SLC9C2: variants seen among roughly 807,000 people sequenced by gnomAD.
SLC9C2 encodes sodium/hydrogen exchanger 11.
SLC9C2 carries 75 observed loss-of-function variants against 140.2 expected under a neutral mutation model. The observed-to-expected ratio is 0.53, with a 90% CI of 0.44 to 0.65. The LOEUF is 0.65. Ranked by LOEUF, SLC9C2 falls within the 30% of genes least tolerant of loss-of-function variation. SLC9C2 has a pLI of 0.00. For missense variants in SLC9C2, 1,074 were observed against 1,331.8 expected (o/e 0.81, Z 3.01); for synonymous variants, 375 against 420.9 (o/e 0.89, Z 1.34).
At chr1:173,555,972 T>C (rs1031921581) in intron 10 of SLC9C2, among the ~76,000 whole-genome samples, 2 of 152,182 alleles carry the variant, frequency 1.3e-5, no homozygotes, top group African/African-American at 4.8e-5. Context: ...ATTAAATAAA[T>C]ACTGTACTCC....
In SLC9C2 at chr1:173,517,617, T is replaced by G; in HGVS notation, c.2827A>C (p.Thr943Pro). The G allele has an allele frequency of 6.2e-7, 1 of 1,613,878 alleles. No individual in the cohort carries two copies. The highest frequency in any genetic ancestry group is 8.5e-7 in the Non-Finnish European group (1 of 1,179,858). ...CTTAGCTCTCCAATTATGTCCCCAG[T>G]AGTACAGAACTCTGTAAACATGTCT... ...SRDMFTEFCTTGDIIGELSCL... is the reference protein window; with the variant it reads ...SRDMFTEFCTPGDIIGELSCL... The change falls in exon 23 of 28, where the codon ACT becomes CCT. Residue 943 changes from threonine to proline, a missense_variant. By Grantham distance (38) the Thr-to-Pro change is conservative. Transcript: ENST00000367714.
chr1:173,547,291 T>G (rs556905806), intron 13 of SLC9C2, among the ~76,000 whole-genome samples: 1 of 151,964 alleles, frequency 6.6e-6, no homozygotes, highest in African/African-American at 2.4e-5. Context: ...TCAGATATAT[T>G]TTAGCTTATT....
chr1:173,515,392 C>G (rs918122019), intron 23 of SLC9C2, among the ~76,000 whole-genome samples: 2 of 152,096 alleles, frequency 1.3e-5, no homozygotes, highest in Non-Finnish European at 2.9e-5. Flanking sequence ...TCTCTGCATG[C>G]CTTATTTCAG....
chr1:173,506,156 C>T (rs956660323), intron 25 of SLC9C2, among the ~76,000 whole-genome samples: 20 of 152,264 alleles, frequency 1.3e-4, no homozygotes, highest in African/African-American at 4.6e-4. Flanking sequence ...ACCAACTTTT[C>T]CAGGACAAAT....
At chr1:173,520,014 C>T (rs1389204043) in intron 22 of SLC9C2, among the ~76,000 whole-genome samples, 1 of 151,984 alleles carries the variant, frequency 6.6e-6, no homozygotes, top group African/African-American at 2.4e-5. Flanking sequence ...GTGGTGCGTG[C>T]CTGTAATCCT....
intron 4 of SLC9C2, among the ~76,000 whole-genome samples, chr1:173,593,689 A>G (rs895768969): frequency 2.0e-5 from 3 of 152,206 alleles, no homozygotes; most frequent in Non-Finnish European, 4.4e-5. Flanking sequence ...AAAATCTACC[A>G]AGCAAATGGA....
rs914969072 is a variant in SLC9C2, at chr1:173,557,321, G to A, written c.1215+19C>T. Reference sequence around the variant, plus strand: ...AAAAATGATAAATATGAATAATCATGAGACATGATCTTTCCTACCATTTGT... The same window carrying A: ...AAAAATGATAAATATGAATAATCATAAGACATGATCTTTCCTACCATTTGT... On this transcript the variant is annotated intron_variant, in intron 10 of 27. Coordinates refer to ENST00000367714, the MANE Select transcript of SLC9C2 (RefSeq NM_178527.4). 3 of 1,598,042 alleles carry A rather than the reference G, an allele frequency of 1.9e-6. No individual in the cohort carries two copies. The highest frequency in any genetic ancestry group is 2.7e-5 in the African/African-American group (2 of 73,836).
chr1:173,546,994 G>A (rs1050052242), intron 13 of SLC9C2, among the ~76,000 whole-genome samples: 1 of 152,086 alleles, frequency 6.6e-6, no homozygotes, highest in Non-Finnish European at 1.5e-5. Context: ...GTTGGGTGAT[G>A]GGTACATGAG....
chr1:173,514,585 C>T (rs1329917860), intron 23 of SLC9C2, among the ~76,000 whole-genome samples: 9 of 152,120 alleles, frequency 5.9e-5, no homozygotes, highest in African/African-American at 2.2e-4. Flanking sequence ...TGAGTCCTGA[C>T]TCTTTATCCA....
chr1:173,521,294 C>T lies in SLC9C2; in HGVS notation c.2739+7G>A, dbSNP rs1660792740. ...AAAAAAAAAAAAAAAAATCAATAGT[C>T]CCTTACAATTGCCATTCCTGAAATA... is the stretch of plus-strand genomic sequence containing the variant. On this transcript the variant is annotated splice_region_variant and intron_variant, in intron 22 of 27. Coordinates refer to ENST00000367714, the MANE Select transcript of SLC9C2 (RefSeq NM_178527.4). 3 of 1,439,852 alleles carry T rather than the reference C, an allele frequency of 2.1e-6. No individual in the cohort carries two copies. Among genetic ancestry groups the T allele is most frequent in the Admixed American group, 2.5e-5 (1 of 40,166 alleles). 89.2% of individuals were successfully genotyped at this position (1,439,852 alleles called of 1,614,324 possible). A position where few individuals can be genotyped will look rare whatever the true frequency, so the allele number is the denominator to read the frequency against.
rs909039459 is a variant in SLC9C2 at position 173,534,783 on chromosome 1, T to C, written c.1776-101A>G. ...AAATCATTAAAATTAATTTGAAGAC[T>C]ATACATAATATAAAATAATAGTAAG... On this transcript the variant is annotated intron_variant, in intron 15 of 27. Transcript: ENST00000367714. The C allele has an allele frequency of 1.6e-5, 15 of 946,676 alleles. No individual in the cohort carries two copies. In the African/African-American group the frequency reaches 2.6e-4, roughly 17 times the overall value. 58.6% of individuals were successfully genotyped at this position (946,676 alleles called of 1,614,324 possible).
intron 6 of SLC9C2, 24 bp from the exon 7 acceptor site, chr1:173,582,032 A>C (rs748937717): frequency 6.8e-7 from 1 of 1,468,556 alleles, no homozygotes; most frequent in South Asian, 1.4e-5. Flanking sequence ...AGAAAAAATA[A>C]GAAATAAAAA....
rs186608442 is a variant in SLC9C2 at position 173,500,915 on chromosome 1, A to G, written c.*179T>C. ...ACTACTTAAAATTAAGAAGTTTTAC[A>G]GAAGTCCATCCATTGCTTATAAACT... is the stretch of plus-strand genomic sequence containing the variant. On this transcript the variant is annotated 3_prime_UTR_variant, in exon 28 of 28. Coordinates refer to ENST00000367714, the MANE Select transcript of SLC9C2 (RefSeq NM_178527.4). 1.2e-5 allele frequency: 7 copies of G among 565,402 alleles called. No individual in the cohort carries two copies. In the East Asian group the frequency reaches 2.0e-4, roughly 16 times the overall value. The allele number at this position is 565,402 out of a possible 1,614,324, so 35.0% of individuals were successfully genotyped here.
intron 23 of SLC9C2, among the ~76,000 whole-genome samples, chr1:173,517,292 TC>T (rs1321406807): frequency 6.6e-6 from 1 of 152,208 alleles, no homozygotes; most frequent in East Asian, 1.9e-4. Context: ...AGGTTGGTAT[TC>T]TCTCTACTTC....
At chr1:173,555,855 G>A (rs1201616948) in intron 10 of SLC9C2, among the ~76,000 whole-genome samples, 1 of 152,144 alleles carries the variant, frequency 6.6e-6, no homozygotes, top group African/African-American at 2.4e-5. Context: ...GTTAGGGCAC[G>A]TGAGGTCTTT....
At chr1:173,560,414 T>C (rs1416411791) in intron 9 of SLC9C2, among the ~76,000 whole-genome samples, 1 of 152,172 alleles carries the variant, frequency 6.6e-6, no homozygotes, top group African/African-American at 2.4e-5. Context: ...CTACTCAAAG[T>C]TGTTGCCTCT....
intron 9 of SLC9C2, among the ~76,000 whole-genome samples, chr1:173,558,669 T>A (rs1408053408): frequency 6.6e-6 from 1 of 152,210 alleles, no homozygotes; most frequent in Non-Finnish European, 1.5e-5. Flanking sequence ...CTCAATACAT[T>A]ATCAATACAT....
chr1:173,594,529 A>C (rs1007400047), intron 4 of SLC9C2, among the ~76,000 whole-genome samples: 2 of 152,224 alleles, frequency 1.3e-5, no homozygotes, highest in African/African-American at 4.8e-5. Flanking sequence ...GGATGCAAGA[A>C]GGAGCAGTGA....
rs745902865 is a variant in SLC9C2 at position 173,536,987 on chromosome 1, C to T, written c.1610G>A (p.Arg537Gln). ...GCATTTTGCTGCACCAATTAATATC[C>T]GGGCTGCCTCTATTTCAAGAATTCC... Reference protein sequence around the residue: ...NNGILEIEAARILIGAAKCYY... With the variant: ...NNGILEIEAAQILIGAAKCYY... Residue 537 changes from arginine (R) to glutamine (Q), a missense_variant, in exon 14 of 28, where the codon CGG (arginine) becomes CAG (glutamine). Transcript: ENST00000367714. 39 of 1,613,592 alleles carry T rather than the reference C, an allele frequency of 2.4e-5. No homozygotes were observed. Among genetic ancestry groups the T allele is most frequent in the South Asian group, 7.7e-5 (7 of 91,072 alleles).
Sources: allele counts gnomAD v4.1 joint callset (sites outside exome capture counted in the v4.1 genomes callset), GRCh38; gene constraint gnomAD v4.1.1; transcripts MANE v1.5; gene names NCBI Gene and HGNC (gene_info 2026-07-23, HGNC 2026-07-21).